PIEZO2: variants seen among roughly 807,000 people sequenced by gnomAD.
PIEZO2 encodes the protein piezo-type mechanosensitive ion channel component 2.
Under a neutral mutation model 337.3 loss-of-function variants are expected in PIEZO2, and 172 were observed. The ratio of observed to expected loss-of-function variants is 0.51; its 90% CI spans 0.45 to 0.58. The LOEUF (loss-of-function observed/expected upper bound fraction) is 0.58. Ranked by LOEUF, PIEZO2 falls within the 20% of genes least tolerant of loss-of-function variation. The probability of loss-of-function intolerance (pLI) is 0.00; values close to 1 mark genes in which losing one functional copy is unlikely to be tolerated. For synonymous variants in PIEZO2, 1,251 were observed against 1,228.5 expected (o/e 1.02, Z -0.38); for missense variants, 3,028 against 3,391.3 (o/e 0.89, Z 2.66).
rs114129480 is a variant in PIEZO2, at chr18:11,110,566, T to C, written c.64+37959A>G. Among the ~76,000 whole-genome samples the C allele has an allele frequency of 4.6e-3, 694 of 152,258 alleles. 6 individuals are homozygous for C. The highest frequency in any genetic ancestry group is 0.016 in the African/African-American group (670 of 41,560). On this transcript the variant is annotated intron_variant, in intron 1 of 55. Coordinates refer to ENST00000674853, the MANE Select transcript of PIEZO2 (RefSeq NM_001378183.1). The surrounding 1 kb of genome is among the most constrained non-coding windows in gnomAD (Gnocchi z 4.2). ...CACAGCAGAGCGGGGGAGTGGGAGC[T>C]GCCACATAACGGTTCCTTCAGAGGT...
chr18:11,109,664 G>A lies in PIEZO2; in HGVS notation c.64+38861C>T, dbSNP rs2039672087. On this transcript the variant is annotated intron_variant, in intron 1 of 55. Coordinates refer to ENST00000674853, the MANE Select transcript of PIEZO2 (RefSeq NM_001378183.1). The surrounding 1 kb of genome is among the most constrained non-coding windows in gnomAD (Gnocchi z 5.1). ...GCCTGGGAGGTGGAGGTTGCAGTGA[G>A]CCAAGATCACACCACTGCACTCCAG... is the stretch of plus-strand genomic sequence containing the variant. Among the ~76,000 whole-genome samples, 4 of 152,124 alleles carry A rather than the reference G, an allele frequency of 2.6e-5. No individual in the cohort carries two copies. In the South Asian group the frequency reaches 8.3e-4, roughly 32 times the overall value.
chr18:11,041,209 C>T (rs1355339995), intron 2 of PIEZO2, among the ~76,000 whole-genome samples: 1 of 152,116 alleles, frequency 6.6e-6, no homozygotes, highest in Non-Finnish European at 1.5e-5. Flanking sequence ...GCCAGGGAAC[C>T]CTAAACAGTC....
At chr18:11,020,711 A>G (rs555418571) in intron 2 of PIEZO2, among the ~76,000 whole-genome samples, 1 of 152,300 alleles carries the variant, frequency 6.6e-6, no homozygotes, top group South Asian at 2.1e-4. Flanking sequence ...GACACCTTCT[A>G]TTTCACAAAG....
At chr18:11,018,098 T>C (rs2036179502) in intron 2 of PIEZO2, among the ~76,000 whole-genome samples, 1 of 152,042 alleles carries the variant, frequency 6.6e-6, no homozygotes, top group Non-Finnish European at 1.5e-5. Flanking sequence ...TGTAGAATTG[T>C]TCCCTGCCCC....
At position 11,021,284 on chromosome 18, in the gene PIEZO2, G is replaced by C. The variant is rs1488583031; in HGVS notation, c.161-41624C>G. ...CTCCCTGGAAAGAACTCCCAAACCG[G>C]TTTTCCATGGACCCAAAGTCAGTGT... On this transcript the variant is annotated intron_variant, in intron 2 of 55. Transcript: ENST00000674853. This position sits in a 1 kb window ranked among gnomAD's most constrained non-coding sequence, Gnocchi z 4.7. Among the ~76,000 whole-genome samples, 1 of 152,190 alleles carries C rather than the reference G, an allele frequency of 6.6e-6. No homozygotes were observed.
chr18:10,975,752 G>A (rs17577977), intron 3 of PIEZO2, among the ~76,000 whole-genome samples: 3,206 of 152,210 alleles, frequency 0.021, 69 homozygotes, highest in Non-Finnish European at 0.032. Flanking sequence ...TTTTAAATGG[G>A]GGAAAGAAGT....
intron 3 of PIEZO2, among the ~76,000 whole-genome samples, chr18:10,912,513 A>G (rs2030571234): frequency 6.6e-6 from 1 of 152,188 alleles, no homozygotes; most frequent in African/African-American, 2.4e-5. Context: ...TTCTGTCAAT[A>G]GGAAACGGTG....
chr18:11,060,575 A>G (rs2037911124), intron 2 of PIEZO2, among the ~76,000 whole-genome samples: 1 of 152,350 alleles, frequency 6.6e-6, no homozygotes, highest in East Asian at 1.9e-4. Context: ...CAAAGGGGAT[A>G]TCACCACCGA....
At chr18:10,941,061 T>C (rs1407578004) in intron 3 of PIEZO2, among the ~76,000 whole-genome samples, 2 of 152,178 alleles carry the variant, frequency 1.3e-5, no homozygotes, top group African/African-American at 4.8e-5. Flanking sequence ...AAATATCAAT[T>C]GTCTCAAAAT....
At chr18:10,753,404 G>A (rs1337022442) in intron 27 of PIEZO2, among the ~76,000 whole-genome samples, 5 of 152,188 alleles carry the variant, frequency 3.3e-5, no homozygotes, top group Admixed American at 3.3e-4. Context: ...TGTTTCTGGA[G>A]GTCCTCAGGA....
chr18:10,905,669 T>G (rs1220677394), intron 4 of PIEZO2, among the ~76,000 whole-genome samples: 1 of 151,296 alleles, frequency 6.6e-6, no homozygotes, highest in Non-Finnish European at 1.5e-5. Flanking sequence ...CCCATGGCAG[T>G]GTGGTGCCTG....
chr18:10,737,030 C>A (rs2037025602), intron 33 of PIEZO2, among the ~76,000 whole-genome samples: 1 of 152,116 alleles, frequency 6.6e-6, no homozygotes, highest in Non-Finnish European at 1.5e-5. Context: ...CTGCAGCAGC[C>A]AGTTTTGTTA....
chr18:11,049,186 T>A (rs1402124140), intron 2 of PIEZO2, among the ~76,000 whole-genome samples: 2 of 152,182 alleles, frequency 1.3e-5, no homozygotes, highest in Non-Finnish European at 2.9e-5. Flanking sequence ...TCAGCACGTA[T>A]CAGGCCTGAT....
chr18:11,118,480 T>C (rs1292222775), intron 1 of PIEZO2, among the ~76,000 whole-genome samples: 2 of 152,044 alleles, frequency 1.3e-5, no homozygotes, highest in Non-Finnish European at 2.9e-5. Context: ...TTATAGAAAA[T>C]AGTAAGGCAG....
chr18:10,692,936 CTA>C (rs1278030060), intron 47 of PIEZO2, among the ~76,000 whole-genome samples: 17 of 152,126 alleles, frequency 1.1e-4, no homozygotes, highest in African/African-American at 4.1e-4. Context: ...CGTGGTCAAT[CTA>C]TAGATCAATT....
At chr18:10,786,827 A>G (rs1271404637) in intron 16 of PIEZO2, among the ~76,000 whole-genome samples, 1 of 151,072 alleles carries the variant, frequency 6.6e-6, no homozygotes, top group Non-Finnish European at 1.5e-5. Flanking sequence ...TTTCATTAAA[A>G]TTCTGAAAAT....
intron 7 of PIEZO2, among the ~76,000 whole-genome samples, chr18:10,832,032 T>C (rs992808039): frequency 1.3e-5 from 2 of 152,090 alleles, no homozygotes; most frequent in African/African-American, 2.4e-5. Context: ...GTGCGGTGGC[T>C]CACACTTGTA....
chr18:10,799,857 C>T (rs2039743329), intron 11 of PIEZO2, among the ~76,000 whole-genome samples: 1 of 150,190 alleles, frequency 6.7e-6, no homozygotes. Context: ...CCTGTAGTCC[C>T]AACTACTAGG....
At chr18:10,904,104 T>C (rs1490683270) in intron 4 of PIEZO2, among the ~76,000 whole-genome samples, 5 of 152,260 alleles carry the variant, frequency 3.3e-5, no homozygotes, top group African/African-American at 2.4e-5. Flanking sequence ...GTCAGTTACA[T>C]GATACCGTTT....
Sources: gnomAD v4.1 joint callset for allele counts (sites outside exome capture counted in the v4.1 genomes callset) on GRCh38, gnomAD v4.1.1 for gene constraint, Gnocchi (gnomAD v3.1) non-coding constraint, MANE v1.5 for transcripts, NCBI Gene and HGNC (gene_info 2026-07-23, HGNC 2026-07-21) for gene names.